The following CNGB1 variants were observed in gnomAD, a reference collection of about 807,000 sequenced individuals.
CNGB1 encodes the protein cyclic nucleotide gated channel subunit beta 1.
CNGB1 carries 126 observed loss-of-function variants against 151.7 expected under a neutral mutation model. The ratio of observed to expected loss-of-function variants is 0.83; its 90% CI spans 0.72 to 0.96. The LOEUF is 0.96. Among genes scored for constraint, CNGB1 ranks in the 40% least tolerant of loss-of-function variants. The pLI is 0.00. For synonymous variants in CNGB1, 623 were observed against 635.1 expected (o/e 0.98, Z 0.29); for missense variants, 1,698 against 1,627.0 (o/e 1.04, Z -0.75).
At chr16:57,950,774 C>T (rs1318686877) in intron 12 of CNGB1, among the ~76,000 whole-genome samples, 3 of 152,234 alleles carry the variant, frequency 2.0e-5, no homozygotes, top group Non-Finnish European at 1.5e-5. Flanking sequence ...CCCTTCTCCT[C>T]TTGAGACAGA....
chr16:57,931,932 A>C (rs1009910136), intron 16 of CNGB1, 54 bp from the exon 17 acceptor site: 3 of 1,591,206 alleles, frequency 1.9e-6, no homozygotes, highest in Non-Finnish European at 2.6e-6. Context: ...GCTGGGTCCC[A>C]GGAGTCCAGC....
In CNGB1 at chr16:57,904,825, C is replaced by T. The variant is rs758072259; in HGVS notation, c.2543G>A (p.Gly848Glu). ...AAAGAGTGTCTTGGGGTCAGGCAGC[C>T]CCCCGATGGTGATGAGGGTCTTCAC... ...FAVKTLITIG[G>E]LPDPKTLFEI... The change falls in exon 26 of 33, where the codon GGG becomes GAG. Residue 848 changes from glycine (G) to glutamate (E), a missense_variant. Physicochemically the swap from Gly to Glu is moderately conservative, Grantham distance 98. Coordinates refer to ENST00000251102, the MANE Select transcript of CNGB1 (RefSeq NM_001297.5). 14 of 1,613,962 alleles carry T rather than the reference C, an allele frequency of 8.7e-6. No homozygotes were observed. Among genetic ancestry groups the T allele is most frequent in the African/African-American group, 6.7e-5 (5 of 74,878 alleles).
At chr16:57,908,565 C>T (rs558032133) in intron 25 of CNGB1, among the ~76,000 whole-genome samples, 2 of 152,392 alleles carry the variant, frequency 1.3e-5, no homozygotes, top group South Asian at 4.1e-4. Flanking sequence ...GGCATCTACT[C>T]CTGTCACTTC....
chr16:57,964,145 A>G lies in CNGB1; in HGVS notation c.275T>C (p.Ile92Thr). 1 of 1,614,102 alleles carries G rather than the reference A, an allele frequency of 6.2e-7. No individual in the cohort carries two copies. The change falls in exon 4 of 33, where the codon ATT becomes ACT. Residue 92 changes from isoleucine (I) to threonine (T), a missense_variant. Transcript: ENST00000251102. ...GGTGCAGTACCTATTCATTTCAGAA[A>G]TCTCAGCGCCCTGGGCCCGGAGGGA... ...TISLRAQGAE[I>T]SEMNSPSRRV...
intron 17 of CNGB1, 110 bp from the exon 18 acceptor site, chr16:57,923,490 G>A (rs1045868008): frequency 2.3e-6 from 2 of 871,538 alleles, no homozygotes; most frequent in Non-Finnish European, 3.7e-6. Context: ...CTAGATAGAG[G>A]ATGGGGGGCG....
At chr16:57,949,250 A>T in intron 14 of CNGB1, 103 bp downstream of exon 14, 4 of 1,592,334 alleles carry the variant, frequency 2.5e-6, no homozygotes, top group Non-Finnish European at 3.4e-6. Context: ...AGCACAGAAC[A>T]ACAGAAAGGA....
At chr16:57,885,045 C>T (rs552471014) in intron 32 of CNGB1, among the ~76,000 whole-genome samples, 3 of 152,300 alleles carry the variant, frequency 2.0e-5, no homozygotes, top group African/African-American at 7.2e-5. Flanking sequence ...TGGATACCTC[C>T]AGCCTCCAGC....
intron 7 of CNGB1, among the ~76,000 whole-genome samples, chr16:57,961,681 G>A (rs1962261519): frequency 1.3e-5 from 2 of 151,542 alleles, no homozygotes; most frequent in Non-Finnish European, 2.9e-5. Context: ...TGAATGAAGT[G>A]TGTGATTATA....
chr16:57,929,189 G>A (rs910900284), intron 17 of CNGB1, among the ~76,000 whole-genome samples: 8 of 152,162 alleles, frequency 5.3e-5, no homozygotes, highest in Non-Finnish European at 8.8e-5. Context: ...CAAAGAACTC[G>A]AATAGACATT....
chr16:57,970,344 A>G (rs1316552745), intron 1 of CNGB1, among the ~76,000 whole-genome samples: 1 of 152,028 alleles, frequency 6.6e-6, no homozygotes, highest in Non-Finnish European at 1.5e-5. Context: ...CCATGATCAT[A>G]CTCATCCTCG....
intron 17 of CNGB1, among the ~76,000 whole-genome samples, chr16:57,931,169 T>A (rs1042896392): frequency 1.7e-4 from 26 of 151,546 alleles, no homozygotes; most frequent in Non-Finnish European, 2.5e-4. Context: ...TTTTTTTTTT[T>A]ATTTTTTGAG....
rs752889241 is a variant in CNGB1 at position 57,897,789 on chromosome 16, G to A, written c.3095+7C>T. The A allele has an allele frequency of 2.8e-5, 45 of 1,613,386 alleles. No individual in the cohort carries two copies. Among genetic ancestry groups the A allele is most frequent in the East Asian group, 1.6e-4 (7 of 44,894 alleles). The stretch of plus-strand genomic sequence containing the variant: ...AGGCCCCTCACTTTACCCCAGCTGC[G>A]TCTGACCTTATTTCTCCAAACACAG... On this transcript the variant is annotated splice_region_variant and intron_variant, in intron 30 of 32. Transcript: ENST00000251102.
intron 27 of CNGB1, 73 bp downstream of exon 27, chr16:57,903,749 A>G (rs959569889): frequency 7.3e-5 from 114 of 1,565,068 alleles, no homozygotes; most frequent in Non-Finnish European, 9.7e-5. Context: ...AGGCGCCCCG[A>G]AGGCATGGCA....
chr16:57,925,979 C>T (rs1255622284), intron 17 of CNGB1, among the ~76,000 whole-genome samples: 1 of 152,216 alleles, frequency 6.6e-6, no homozygotes, highest in Non-Finnish European at 1.5e-5. Context: ...TGAGCCACCG[C>T]CCCCGGCCAT....
At chr16:57,959,756 G>T in intron 10 of CNGB1, 132 bp downstream of exon 10, 1 of 1,147,256 alleles carries the variant, frequency 8.7e-7, no homozygotes, top group Non-Finnish European at 1.2e-6. Flanking sequence ...AAGCTGATGT[G>T]GCTGCCTTGG....
In CNGB1 at chr16:57,884,139, C is replaced by A. The variant is rs375526865; in HGVS notation, c.*25G>T. ...GCTGGGGACACACCTGCTGGAACTGCGCGCGGGATCCGCCTCACCCCACCT... is the reference window on the plus strand; with the variant it reads ...GCTGGGGACACACCTGCTGGAACTGAGCGCGGGATCCGCCTCACCCCACCT... On this transcript the variant is annotated 3_prime_UTR_variant, in exon 33 of 33. Transcript: ENST00000251102. 1 of 1,613,366 alleles carries A rather than the reference C, an allele frequency of 6.2e-7. No individual in the cohort carries two copies. The highest frequency in any genetic ancestry group is 8.5e-7 in the Non-Finnish European group (1 of 1,179,890).
intron 25 of CNGB1, among the ~76,000 whole-genome samples, chr16:57,906,112 T>C (rs552854862): frequency 1.2e-4 from 18 of 152,336 alleles, no homozygotes; most frequent in African/African-American, 4.3e-4. Context: ...ATTTATGCAG[T>C]GTCCTAGATA....
At chr16:57,934,174 G>A (rs1406130720) in intron 16 of CNGB1, among the ~76,000 whole-genome samples, 1 of 152,124 alleles carries the variant, frequency 6.6e-6, no homozygotes, top group East Asian at 1.9e-4. Context: ...TGTAAAGGGG[G>A]CCAGGCACAG....
rs150059926 is a variant in CNGB1, at chr16:57,970,645, G to A, written c.-9+415C>T. On this transcript the variant is annotated intron_variant, in intron 1 of 32. Transcript: ENST00000251102. ...TGGAAATGACTAAGGAAGCCTCCCCGATCCCCCATTTTTCTTTTTCCTCCT... is the reference window on the plus strand; with the variant it reads ...TGGAAATGACTAAGGAAGCCTCCCCAATCCCCCATTTTTCTTTTTCCTCCT... 3.7e-3 allele frequency among the ~76,000 whole-genome samples: 561 copies of A among 152,182 alleles called. 3 individuals are homozygous for A. Among genetic ancestry groups the A allele is most frequent in the Non-Finnish European group, 6.0e-3 (410 of 67,994 alleles).
Sources: allele counts gnomAD v4.1 joint callset (sites outside exome capture counted in the v4.1 genomes callset), GRCh38; gene constraint gnomAD v4.1.1; transcripts MANE v1.5; gene names NCBI Gene and HGNC (gene_info 2026-07-23, HGNC 2026-07-21).